PIGN: variants seen among roughly 807,000 people sequenced by gnomAD.
PIGN encodes GPI ethanolamine phosphate transferase 1.
PIGN carries 117 observed loss-of-function variants against 125.4 expected under a neutral mutation model. The ratio of observed to expected loss-of-function variants is 0.93; its 90% CI spans 0.80 to 1.09. The LOEUF (loss-of-function observed/expected upper bound fraction) is 1.09, where lower values mean the gene tolerates loss of function less well. Among genes scored for constraint, PIGN ranks in the 50% least tolerant of loss-of-function variants. The pLI, the probability that PIGN is intolerant of heterozygous loss-of-function variation, is 0.00. For synonymous variants in PIGN, 392 were observed against 377.8 expected (o/e 1.04, Z -0.44); for missense variants, 1,075 against 1,094.9 (o/e 0.98, Z 0.26).
Position 62,147,009 on chromosome 18 carries a change from G to C in PIGN, c.767C>G (p.Thr256Arg). ...TCCATGGTCAGAGGTAAAGATAAAT[G>C]TTGTTTTCCCATCATTTCCATAGAA... ...NHFYGNDGKT[T>R]FIFTSDHGMT... The change falls in exon 9 of 31, where the codon ACA becomes AGA. Residue 256 changes from threonine to arginine, a missense_variant. Around this residue, in one of 3 missense-constraint regions of PIGN, gnomAD observed 915 missense variants for 908.7 expected, o/e 1.01. Coordinates refer to ENST00000640252, the MANE Select transcript of PIGN (RefSeq NM_176787.5). The C allele has an allele frequency of 6.2e-7, 1 of 1,612,322 alleles. No individual in the cohort carries two copies. The highest frequency in any genetic ancestry group is 8.5e-7 in the Non-Finnish European group (1 of 1,178,824).
intron 1 of PIGN, among the ~76,000 whole-genome samples, chr18:62,183,432 A>G (rs1206397157): frequency 6.6e-6 from 1 of 152,154 alleles, no homozygotes; most frequent in African/African-American, 2.4e-5. Flanking sequence ...TTATTCAAGT[A>G]TCCCACTGCT....
chr18:62,064,409 AG>A (rs1350184156), intron 30 of PIGN, among the ~76,000 whole-genome samples: 1 of 152,236 alleles, frequency 6.6e-6, no homozygotes, highest in African/African-American at 2.4e-5. Flanking sequence ...CCAAGTCTTA[AG>A]GCTGGCAGTC....
chr18:62,137,767 A>C (rs2035987920), intron 14 of PIGN: 1 of 153,608 alleles, frequency 6.5e-6, no homozygotes. Context: ...CAAAATCTTC[A>C]CAAGCAACAT....
intron 30 of PIGN, chr18:62,059,187 A>C (rs867773808): frequency 6.6e-6 from 1 of 151,046 alleles, no homozygotes; most frequent in African/African-American, 2.4e-5. Flanking sequence ...AAAAAAAAAA[A>C]AAAAAAAAAA....
chr18:62,138,852 T>A lies in PIGN; in HGVS notation c.1116+131A>T. On this transcript the variant is annotated intron_variant, in intron 13 of 30. Transcript: ENST00000640252. ...TCAGAAATGTGAAACACAAGTCAAA[T>A]ACATAAAATTTAAAGGTAAATTACA... is the stretch of plus-strand genomic sequence containing the variant. 1.4e-5 allele frequency: 8 copies of A among 568,266 alleles called. No homozygotes were observed. The South Asian group carries it at 2.1e-4, about 15-fold the overall frequency. The allele number at this position is 568,266 out of a possible 1,614,324, so 35.2% of individuals were successfully genotyped here.
At chr18:62,066,563 C>G (rs1167372764) in intron 30 of PIGN, among the ~76,000 whole-genome samples, 1 of 152,200 alleles carries the variant, frequency 6.6e-6, no homozygotes, top group Non-Finnish European at 1.5e-5. Flanking sequence ...GTTTGAGCTT[C>G]TATCTTACTT....
intron 30 of PIGN, among the ~76,000 whole-genome samples, chr18:62,061,886 G>A (rs112003755): frequency 3.3e-5 from 5 of 152,212 alleles, no homozygotes; most frequent in African/African-American, 1.2e-4. Flanking sequence ...CTATCGTATG[G>A]TGCTTTAGTT....
intron 23 of PIGN, among the ~76,000 whole-genome samples, chr18:62,025,627 C>A (rs561678136): frequency 3.3e-5 from 5 of 152,338 alleles, no homozygotes; most frequent in African/African-American, 7.2e-5. Flanking sequence ...TGCAAACCTC[C>A]ATTGGACATT....
chr18:62,158,099 G>T, intron 4 of PIGN: 2 of 258,478 alleles, frequency 7.7e-6, no homozygotes, highest in East Asian at 7.7e-5. Context: ...AAACAGAGAT[G>T]GTTTGTTATC....
intron 1 of PIGN, among the ~76,000 whole-genome samples, chr18:62,170,133 A>G (rs954969582): frequency 2.0e-5 from 3 of 152,152 alleles, no homozygotes; most frequent in Non-Finnish European, 4.4e-5. Flanking sequence ...AATATTATTG[A>G]GTATCTTTCC....
intron 7 of PIGN, among the ~76,000 whole-genome samples, chr18:62,152,341 T>C (rs1329487061): frequency 6.6e-6 from 1 of 151,982 alleles, no homozygotes; most frequent in Non-Finnish European, 1.5e-5. Context: ...AGGGTACATG[T>C]TTCTTATTAG....
intron 30 of PIGN, among the ~76,000 whole-genome samples, chr18:62,050,166 T>C (rs1212548679): frequency 1.3e-5 from 2 of 152,212 alleles, no homozygotes; most frequent in Non-Finnish European, 2.9e-5. Flanking sequence ...TGGCTTAGGA[T>C]TGACTTGGCG....
rs186595196 is a variant in PIGN at position 62,167,729 on chromosome 18, A to G, written c.-235-4073T>C. 2.0e-5 allele frequency among the ~76,000 whole-genome samples: 3 copies of G among 151,992 alleles called. No homozygotes were observed. In the East Asian group the frequency reaches 5.8e-4, roughly 29 times the overall value. On this transcript the variant is annotated intron_variant, in intron 1 of 30. Coordinates refer to ENST00000640252, the MANE Select transcript of PIGN (RefSeq NM_176787.5). ...ATATATATATACACACACACACAATAGAAGTGTAGTGATAACTTATTGTAG... is the reference window on the plus strand; with the variant it reads ...ATATATATATACACACACACACAATGGAAGTGTAGTGATAACTTATTGTAG...
At chr18:62,039,942 A>T (rs1486639760), downstream of PIGN, among the ~76,000 whole-genome samples, 1 of 41,660 alleles carries the variant, frequency 2.4e-5, no homozygotes, top group African/African-American at 1.1e-4. Context: ...TTAGGGCCCC[A>T]TCCAGGGTGC....
chr18:62,164,984 G>A (rs56823832), intron 1 of PIGN, among the ~76,000 whole-genome samples: 3 of 152,122 alleles, frequency 2.0e-5, no homozygotes, highest in African/African-American at 4.8e-5. Flanking sequence ...TTTTCCCCAC[G>A]AAAAGGCATG....
At chr18:62,094,056 A>G (rs2034077309) in intron 23 of PIGN, among the ~76,000 whole-genome samples, 1 of 152,126 alleles carries the variant, frequency 6.6e-6, no homozygotes, top group African/African-American at 2.4e-5. Context: ...TTTTCTTAAA[A>G]TAAGTTATGA....
At position 62,157,935 on chromosome 18, in the gene PIGN, G is replaced by A. The variant is rs2036800883; in HGVS notation, c.222-127C>T. 4.6e-6 allele frequency: 4 copies of A among 874,000 alleles called. No homozygotes were observed. The South Asian group carries it at 7.9e-5, about 17-fold the overall frequency. 54.1% of individuals were successfully genotyped at this position (874,000 alleles called of 1,614,324 possible). On this transcript the variant is annotated intron_variant, in intron 4 of 30. Transcript: ENST00000640252. The stretch of plus-strand genomic sequence containing the variant: ...AAAACTTAAGTCAAAACTTAAGAAG[G>A]AAAGGAATTTTTCAAATTCCAGGTG...
chr18:62,077,043 G>A (rs997205241), intron 28 of PIGN, among the ~76,000 whole-genome samples: 1 of 152,086 alleles, frequency 6.6e-6, no homozygotes, highest in Admixed American at 6.6e-5. Flanking sequence ...CTACCCTATG[G>A]ACCCAGTTCT....
At chr18:62,139,235 G>A (rs900550053) in intron 12 of PIGN, among the ~76,000 whole-genome samples, 160 bp from the exon 13 acceptor site, 16 of 152,182 alleles carry the variant, frequency 1.1e-4, no homozygotes, top group Non-Finnish European at 5.9e-5. Context: ...ACTGAAAGAT[G>A]TTCTATTATT....
Sources: allele counts gnomAD v4.1 joint callset (sites outside exome capture counted in the v4.1 genomes callset), GRCh38; gene constraint gnomAD v4.1.1; regional missense constraint gnomAD v4.1.1; transcripts MANE v1.5; gene names NCBI Gene and HGNC (gene_info 2026-07-23, HGNC 2026-07-21).